MXI1: variants seen among roughly 807,000 people sequenced by gnomAD.
MXI1 encodes the protein MAX interactor 1, dimerization protein.
A neutral mutation model predicts 36.9 loss-of-function variants in MXI1; 18 were observed. The ratio of observed to expected loss-of-function variants is 0.49; its 90% CI spans 0.34 to 0.72. The LOEUF (loss-of-function observed/expected upper bound fraction) is 0.72, where lower values mean the gene tolerates loss of function less well. Ranked by LOEUF, MXI1 falls within the 30% of genes least tolerant of loss-of-function variation. The pLI, the probability that MXI1 is intolerant of heterozygous loss-of-function variation, is 0.01. For synonymous variants in MXI1, 160 were observed against 146.7 expected (o/e 1.09, Z -0.65); for missense variants, 304 against 379.1 (o/e 0.80, Z 1.64).
chr10:110,280,604 C>T (rs1255813457), intron 5 of MXI1, among the ~76,000 whole-genome samples: 4 of 150,982 alleles, frequency 2.6e-5, no homozygotes, highest in African/African-American at 4.9e-5. Flanking sequence ...GGCGTGAACC[C>T]GGGAGGCGGA....
At chr10:110,215,693 A>G (rs1259270521) in intron 1 of MXI1, among the ~76,000 whole-genome samples, 1 of 152,216 alleles carries the variant, frequency 6.6e-6, no homozygotes, top group Non-Finnish European at 1.5e-5. Context: ...AATGAAGCTA[A>G]TTTCAATTTG....
intron 1 of MXI1, chr10:110,227,826 G>T: frequency 3.7e-6 from 1 of 267,990 alleles, no homozygotes; most frequent in Non-Finnish European, 7.4e-6. Context: ...CTTTAGAACA[G>T]AGAGAGTTGA....
intron 1 of MXI1, among the ~76,000 whole-genome samples, chr10:110,211,277 G>A (rs115822491): frequency 2.0e-3 from 297 of 152,228 alleles, no homozygotes; most frequent in African/African-American, 7.0e-3. Flanking sequence ...ACTTGACCTA[G>A]CTGCGTCGTT....
intron 3 of MXI1, among the ~76,000 whole-genome samples, chr10:110,267,377 A>G (rs1466995866): frequency 6.6e-6 from 1 of 152,240 alleles, no homozygotes; most frequent in Non-Finnish European, 1.5e-5. Flanking sequence ...GACAGCCATC[A>G]TAGTTTTTTC....
intron 1 of MXI1, among the ~76,000 whole-genome samples, chr10:110,227,040 C>G (rs1400194498): frequency 1.1e-4 from 1 of 9,408 alleles, no homozygotes; most frequent in Non-Finnish European, 1.9e-4. Context: ...GGGAGGGGTG[C>G]GAGCATGTGA....
intron 3 of MXI1, among the ~76,000 whole-genome samples, chr10:110,266,069 A>G (rs887038593): frequency 8.6e-5 from 13 of 151,834 alleles, no homozygotes; most frequent in Admixed American, 5.9e-4. Flanking sequence ...CTTTTCTGGT[A>G]TGTCTCTGAT....
chr10:110,234,820 A>C (rs892169561), intron 2 of MXI1, among the ~76,000 whole-genome samples: 1 of 152,154 alleles, frequency 6.6e-6, no homozygotes, highest in African/African-American at 2.4e-5. Flanking sequence ...TTAACCTTCA[A>C]AATTCTCTGT....
intron 3 of MXI1, among the ~76,000 whole-genome samples, chr10:110,253,154 T>C (rs1856159334): frequency 6.6e-6 from 1 of 152,164 alleles, no homozygotes; most frequent in South Asian, 2.1e-4. Flanking sequence ...GATTTGTTTA[T>C]ACTTGTAGGC....
intron 3 of MXI1, among the ~76,000 whole-genome samples, chr10:110,275,508 C>T (rs1316266168): frequency 1.3e-5 from 2 of 152,132 alleles, no homozygotes; most frequent in African/African-American, 4.8e-5. Flanking sequence ...AAAACTTAGA[C>T]ACTGAGGAGA....
intron 3 of MXI1, among the ~76,000 whole-genome samples, chr10:110,263,804 T>C (rs1227107303): frequency 1.3e-5 from 2 of 152,238 alleles, no homozygotes; most frequent in East Asian, 3.8e-4. Context: ...GCTATTTAAT[T>C]TGACATCATT....
At chr10:110,240,290 T>C (rs1453785780) in intron 2 of MXI1, among the ~76,000 whole-genome samples, 4 of 152,068 alleles carry the variant, frequency 2.6e-5, no homozygotes, top group African/African-American at 9.7e-5. Flanking sequence ...TAAGTGGAAA[T>C]ACTTAGTCAT....
chr10:110,266,702 A>T (rs181343483), intron 3 of MXI1, among the ~76,000 whole-genome samples: 1 of 152,260 alleles, frequency 6.6e-6, no homozygotes, highest in African/African-American at 2.4e-5. Flanking sequence ...AACTTTTGAG[A>T]TCATGTATTT....
intron 2 of MXI1, among the ~76,000 whole-genome samples, chr10:110,241,815 T>G (rs1236211081): frequency 6.6e-6 from 1 of 152,024 alleles, no homozygotes; most frequent in Non-Finnish European, 1.5e-5. Flanking sequence ...TAGCATCTAT[T>G]AAATACTTAT....
chr10:110,264,398 G>A (rs537234727), intron 3 of MXI1, among the ~76,000 whole-genome samples: 8 of 145,994 alleles, frequency 5.5e-5, no homozygotes, highest in Non-Finnish European at 1.0e-4. Context: ...ATGGAGTCTC[G>A]CTCTGTCACC....
At chr10:110,224,899 C>G (rs879650765) in intron 1 of MXI1, among the ~76,000 whole-genome samples, 19 of 152,176 alleles carry the variant, frequency 1.2e-4, no homozygotes, top group Admixed American at 4.6e-4. Flanking sequence ...CCGCCCACCT[C>G]AGCCTCCCAA....
intron 1 of MXI1, among the ~76,000 whole-genome samples, chr10:110,225,199 C>T (rs765251739): frequency 2.6e-5 from 4 of 152,180 alleles, no homozygotes; most frequent in African/African-American, 4.8e-5. Context: ...ACGCCCTCAA[C>T]GCCGTGGATA....
At chr10:110,231,367 C>T (rs559716822) in intron 2 of MXI1, among the ~76,000 whole-genome samples, 5 of 150,582 alleles carry the variant, frequency 3.3e-5, no homozygotes, top group South Asian at 4.3e-4. Flanking sequence ...AATCCACCCC[C>T]CCCCCCTCAA....
chr10:110,218,966 C>T (rs1208434294), intron 1 of MXI1, among the ~76,000 whole-genome samples: 1 of 152,236 alleles, frequency 6.6e-6, no homozygotes, highest in Non-Finnish European at 1.5e-5. Flanking sequence ...CAACCACTTT[C>T]TCTCGCTGAT....
chr10:110,270,399 T>A (rs919050981), intron 3 of MXI1, among the ~76,000 whole-genome samples: 6 of 152,044 alleles, frequency 3.9e-5, no homozygotes, highest in African/African-American at 1.4e-4. Flanking sequence ...CTTGTGGGAG[T>A]TCCAGTGAAG....
Sources: allele counts gnomAD v4.1 joint callset (sites outside exome capture counted in the v4.1 genomes callset), GRCh38; gene constraint gnomAD v4.1.1; transcripts MANE v1.5; gene names NCBI Gene and HGNC (gene_info 2026-07-23, HGNC 2026-07-21).